The following CMTM8 variants were observed in gnomAD, a reference collection of about 807,000 sequenced individuals.
CMTM8 encodes CKLF like MARVEL transmembrane domain containing 8.
In CMTM8, 12 loss-of-function variants were observed where a neutral mutation model predicts 18.6. The observed-to-expected ratio is 0.65, with a 90% CI of 0.41 to 1.05. The LOEUF is 1.05. Ranked by LOEUF, CMTM8 falls within the 50% of genes least tolerant of loss-of-function variation. CMTM8 has a pLI of 0.00. For missense variants in CMTM8, 217 were observed against 227.2 expected (o/e 0.95, Z 0.29); for synonymous variants, 87 against 90.6 (o/e 0.96, Z 0.23).
intron 1 of CMTM8, among the ~76,000 whole-genome samples, chr3:32,354,757 T>C (rs574138927): frequency 1.3e-5 from 2 of 152,292 alleles, no homozygotes; most frequent in South Asian, 4.1e-4. Context: ...AAGCCTGAAA[T>C]GTTTCAGACG....
At chr3:32,305,137 C>T (rs1259433945) in intron 1 of CMTM8, among the ~76,000 whole-genome samples, 5 of 151,802 alleles carry the variant, frequency 3.3e-5, no homozygotes, top group East Asian at 1.9e-4. Context: ...AAGCCATCTT[C>T]GAGTTGTGGC....
chr3:32,267,388 G>A (rs552095496), intron 1 of CMTM8, among the ~76,000 whole-genome samples: 68 of 152,306 alleles, frequency 4.5e-4, no homozygotes, highest in African/African-American at 1.6e-3. Flanking sequence ...TGGGAAAACT[G>A]ACTAGCCATA....
chr3:32,259,699 C>A, intron 1 of CMTM8: 1 of 1,120,062 alleles, frequency 8.9e-7, no homozygotes, highest in Non-Finnish European at 1.3e-6. Context: ...ACATCCAGGC[C>A]CAATATGACG....
At chr3:32,313,301 T>C (rs1351126793) in intron 1 of CMTM8, among the ~76,000 whole-genome samples, 2 of 152,040 alleles carry the variant, frequency 1.3e-5, no homozygotes, top group Non-Finnish European at 2.9e-5. Context: ...GAGAACAGGG[T>C]GGGGCCTTGG....
chr3:32,313,587 G>A (rs2125571576), intron 1 of CMTM8, among the ~76,000 whole-genome samples: 1 of 152,264 alleles, frequency 6.6e-6, no homozygotes, highest in Non-Finnish European at 1.5e-5. Context: ...TTACAGGTTT[G>A]AGCCACCAGG....
At chr3:32,251,753 C>T (rs1413986948) in intron 1 of CMTM8, among the ~76,000 whole-genome samples, 2 of 151,820 alleles carry the variant, frequency 1.3e-5, no homozygotes, top group East Asian at 1.9e-4. Flanking sequence ...CAAGGTTACA[C>T]AAATATTTGA....
intron 1 of CMTM8, among the ~76,000 whole-genome samples, chr3:32,272,627 T>A (rs2125544462): frequency 6.6e-6 from 1 of 152,342 alleles, no homozygotes; most frequent in South Asian, 2.1e-4. Flanking sequence ...CTAGAAATTC[T>A]TGAACTTTTC....
intron 1 of CMTM8, among the ~76,000 whole-genome samples, chr3:32,307,084 G>A (rs2125566695): frequency 6.6e-6 from 1 of 152,212 alleles, no homozygotes; most frequent in Middle Eastern, 3.4e-3. Flanking sequence ...GTGGATGCCT[G>A]TAATCCCAGC....
At chr3:32,360,420 T>C (rs550205390) in intron 2 of CMTM8, among the ~76,000 whole-genome samples, 1 of 152,358 alleles carries the variant, frequency 6.6e-6, no homozygotes, top group South Asian at 2.1e-4. Context: ...GGTTTATGTT[T>C]ACTGTTACAA....
chr3:32,262,922 T>A (rs1331337998), intron 1 of CMTM8, among the ~76,000 whole-genome samples: 2 of 152,198 alleles, frequency 1.3e-5, no homozygotes, highest in African/African-American at 4.8e-5. Context: ...CTCTGGTACA[T>A]ACTAGGGTTA....
rs115501338 is a variant in CMTM8, at chr3:32,314,066, C to T, written c.148-43307C>T. Among the ~76,000 whole-genome samples the T allele has an allele frequency of 7.2e-3, 1,097 of 152,216 alleles. 6 individuals carry two copies. Among genetic ancestry groups the T allele is most frequent in the African/African-American group, 0.016 (675 of 41,536 alleles). On this transcript the variant is annotated intron_variant, in intron 1 of 3. Coordinates refer to ENST00000307526, the MANE Select transcript of CMTM8 (RefSeq NM_178868.5). ...GATGACTCAGTCTCAGAGAAGCTGC[C>T]GAGGCTAGTTCCTGGAGAGGGTTCT...
At chr3:32,362,322 C>A (rs186183739) in intron 2 of CMTM8, among the ~76,000 whole-genome samples, 17 of 152,164 alleles carry the variant, frequency 1.1e-4, no homozygotes, top group Non-Finnish European at 2.1e-4. Flanking sequence ...GGATTACAGG[C>A]GAGAGCCACC....
chr3:32,290,976 A>T (rs1195954915), intron 1 of CMTM8, among the ~76,000 whole-genome samples: 1 of 152,122 alleles, frequency 6.6e-6, no homozygotes, highest in Non-Finnish European at 1.5e-5. Context: ...TTGAACTCTG[A>T]ATCCCAAGTG....
chr3:32,329,490 C>T (rs539342041), intron 1 of CMTM8, among the ~76,000 whole-genome samples: 7 of 152,308 alleles, frequency 4.6e-5, no homozygotes, highest in African/African-American at 1.4e-4. Context: ...TGATGTAATA[C>T]ACCACATTAA....
chr3:32,289,770 T>C (rs1702747768), intron 1 of CMTM8, among the ~76,000 whole-genome samples: 1 of 152,210 alleles, frequency 6.6e-6, no homozygotes, highest in Non-Finnish European at 1.5e-5. Context: ...TATTACCATT[T>C]ATATTCATCG....
intron 1 of CMTM8, chr3:32,259,044 TC>T: frequency 2.8e-6 from 1 of 359,274 alleles, no homozygotes; most frequent in Non-Finnish European, 5.4e-6. Flanking sequence ...GCAGCAAGCA[TC>T]TATGCAGGCG....
chr3:32,349,710 A>G (rs1485133968), intron 1 of CMTM8, among the ~76,000 whole-genome samples: 1 of 152,142 alleles, frequency 6.6e-6, no homozygotes, highest in Non-Finnish European at 1.5e-5. Flanking sequence ...CTCCAGATCA[A>G]TAATTTTATT....
At chr3:32,369,830 T>C in intron 3 of CMTM8, 54 bp from the exon 4 acceptor site, 1 of 1,167,246 alleles carries the variant, frequency 8.6e-7, no homozygotes, top group Non-Finnish European at 1.3e-6. Context: ...TGATAACTTT[T>C]GCTAATTAGG....
At chr3:32,273,175 T>A (rs1171691060) in intron 1 of CMTM8, among the ~76,000 whole-genome samples, 1 of 102,954 alleles carries the variant, frequency 9.7e-6, no homozygotes, top group Non-Finnish European at 2.2e-5. Context: ...GTGCCCAGGC[T>A]GGTCTCAAAC....
Sources: gnomAD v4.1 joint callset for allele counts (sites outside exome capture counted in the v4.1 genomes callset) on GRCh38, gnomAD v4.1.1 for gene constraint, MANE v1.5 for transcripts, NCBI Gene and HGNC (gene_info 2026-07-23, HGNC 2026-07-21) for gene names.